Variants in MAP3K15 observed in about 807,000 individuals in gnomAD.
MAP3K15 encodes the protein mitogen-activated protein kinase kinase kinase 15.
A neutral mutation model predicts 99.5 loss-of-function variants in MAP3K15; 124 were observed. The observed-to-expected ratio is 1.25, with a 90% CI of 1.08 to 1.45. MAP3K15 has a LOEUF of 1.45. Ranked by LOEUF, MAP3K15 falls within the 40% of genes most tolerant of loss-of-function variation. MAP3K15 has a pLI of 0.00. For missense variants in MAP3K15, 1,242 were observed against 1,079.7 expected, an observed-to-expected ratio of 1.15 and a Z score of -2.11; for synonymous variants, 494 against 439.6, an observed-to-expected ratio of 1.12 and a Z score of -1.55.
At chrX:19,499,801 GGA>G (rs1309532968) in intron 1 of MAP3K15, among the ~76,000 whole-genome samples, 2 of 111,806 alleles carry the variant, frequency 1.8e-5, no homozygotes, top group Non-Finnish European at 3.8e-5. Context: ...TAGGATTGAG[GGA>G]GAGGGGACAT....
chrX:19,456,253 A>G (rs937729979), intron 6 of MAP3K15, among the ~76,000 whole-genome samples: 6 of 112,321 alleles, frequency 5.3e-5, no homozygotes, highest in Non-Finnish European at 9.4e-5. Flanking sequence ...CATCAGCAGT[A>G]AAACAGATGA....
chrX:19,361,694 G>GA (rs1288179542), intron 26 of MAP3K15, 101 bp from the exon 27 acceptor site: 19 of 570,280 alleles, frequency 3.3e-5, no homozygotes, highest in Non-Finnish European at 5.7e-6. Context: ...AATGTGATGT[G>GA]AAAAAGAGAT....
intron 2 of MAP3K15, among the ~76,000 whole-genome samples, chrX:19,488,049 G>C (rs1470379973): frequency 1.8e-5 from 2 of 111,394 alleles, no homozygotes; most frequent in African/African-American, 6.5e-5. Context: ...TAATTCTGAA[G>C]TGCACTCAAG....
intron 17 of MAP3K15, 74 bp downstream of exon 17, chrX:19,392,269 C>CA: frequency 2.7e-6 from 3 of 1,108,342 alleles, no homozygotes; most frequent in Non-Finnish European, 3.7e-6. Context: ...GCCAGTCACT[C>CA]AGCAGACACC....
Position 19,426,116 on chromosome X carries a change from T to C in MAP3K15, c.1279+115A>G, listed in dbSNP as rs2063827529. On this transcript the variant is annotated intron_variant, in intron 8 of 28. Transcript: ENST00000338883. ...CAGCCTGGGCAACCGAGCAAGACTCTGTCTCAAAAAAAGAATAGAAATATA... is the reference window on the plus strand; with the variant it reads ...CAGCCTGGGCAACCGAGCAAGACTCCGTCTCAAAAAAAGAATAGAAATATA... 6 of 419,025 alleles carry C rather than the reference T, an allele frequency of 1.4e-5. No homozygotes were observed. In the South Asian group the frequency reaches 2.3e-4, roughly 16 times the overall value. The allele number at this position is 419,025 out of a possible 1,213,427, so 34.5% of individuals were successfully genotyped here.
At chrX:19,363,030 T>G (rs944454115) in intron 25 of MAP3K15, among the ~76,000 whole-genome samples, 180 bp from the exon 26 acceptor site, 1 of 111,925 alleles carries the variant, frequency 8.9e-6, no homozygotes, top group Non-Finnish European at 1.9e-5. Context: ...GACTCAGACT[T>G]CAGTCTGCAG....
chrX:19,426,097 G>A, intron 8 of MAP3K15, 134 bp downstream of exon 8: 4 of 369,593 alleles, frequency 1.1e-5, no homozygotes, highest in Non-Finnish European at 1.8e-5. Context: ...ACTCCAGCCT[G>A]GGCAACCGAG....
At chrX:19,439,566 A>T (rs1005224437) in intron 6 of MAP3K15, among the ~76,000 whole-genome samples, 22 of 111,444 alleles carry the variant, frequency 2.0e-4, no homozygotes, top group Non-Finnish European at 4.0e-4. Context: ...TCCCAGCCTC[A>T]AGCAATCCTC....
rs1381352425 is a variant in MAP3K15 at position 19,377,405 on chromosome X, A to G, written c.2589+2715T>C. ...TACTAAAAATACAAAATAGCCAGGCATGGTGGCCCATGCCTACAATCCCAG... is the reference window on the plus strand; with the variant it reads ...TACTAAAAATACAAAATAGCCAGGCGTGGTGGCCCATGCCTACAATCCCAG... On this transcript the variant is annotated intron_variant, in intron 19 of 28. Transcript: ENST00000338883. Among the ~76,000 whole-genome samples the G allele has an allele frequency of 5.4e-5, 6 of 111,470 alleles. No homozygotes were observed. The East Asian group carries it at 8.5e-4, about 16-fold the overall frequency.
chrX:19,398,849 T>C (rs935555689), intron 14 of MAP3K15, among the ~76,000 whole-genome samples: 2 of 111,759 alleles, frequency 1.8e-5, no homozygotes, highest in African/African-American at 3.2e-5. Context: ...ACGGATCTAG[T>C]AGTAAACACC....
At chrX:19,369,266 G>A (rs2063357594) in intron 24 of MAP3K15, 47 bp from the exon 25 acceptor site, 1 of 1,194,944 alleles carries the variant, frequency 8.4e-7, no homozygotes, top group Non-Finnish European at 1.1e-6. Context: ...CCAGGCCAGT[G>A]GGGCCTGGGG....
intron 6 of MAP3K15, among the ~76,000 whole-genome samples, chrX:19,439,362 G>A (rs140838134): frequency 0.011 from 1,241 of 111,733 alleles, 17 homozygotes; most frequent in African/African-American, 0.039. Context: ...ATATGAGAAC[G>A]GCCTAACACA....
At chrX:19,416,009 G>A (rs2063731444) in intron 9 of MAP3K15, among the ~76,000 whole-genome samples, 1 of 111,594 alleles carries the variant, frequency 9.0e-6, no homozygotes, top group East Asian at 2.8e-4. Flanking sequence ...CTATTGTGGT[G>A]AGCTCCTGTT....
At chrX:19,444,330 G>T (rs1017770963) in intron 6 of MAP3K15, among the ~76,000 whole-genome samples, 1 of 111,374 alleles carries the variant, frequency 9.0e-6, no homozygotes, top group Non-Finnish European at 1.9e-5. Flanking sequence ...TGGCTTGATG[G>T]CAGAGCCAAG....
In MAP3K15 at chrX:19,407,301, A is replaced by G. The variant is rs2063655454; in HGVS notation, c.1749-18T>C. ...TTGATAGGCTGTAAAATTTCAAAGC[A>G]TAATGTTTATACATAAGTTATGATA... On this transcript the variant is annotated intron_variant, in intron 12 of 28. Transcript: ENST00000338883. 8.1e-6 allele frequency: 8 copies of G among 991,341 alleles called. No homozygotes were observed. The highest frequency in any genetic ancestry group is 1.1e-5 in the Non-Finnish European group (8 of 713,357). The allele number at this position is 991,341 out of a possible 1,213,427, so 81.7% of individuals were successfully genotyped here.
chrX:19,428,393 T>C (rs1650462324), intron 7 of MAP3K15, among the ~76,000 whole-genome samples: 1 of 112,008 alleles, frequency 8.9e-6, no homozygotes. Flanking sequence ...CACAGTTTTC[T>C]GTTTTGGCTT....
intron 18 of MAP3K15, among the ~76,000 whole-genome samples, chrX:19,390,489 TATATGTTATATAC>T (rs2063520130): frequency 9.7e-6 from 1 of 102,914 alleles, no homozygotes; most frequent in African/African-American, 3.5e-5. Flanking sequence ...TACTATATAA[TATATGTTATATAC>T]ATATATTATA....
chrX:19,447,407 G>C (rs1365341061), intron 6 of MAP3K15, among the ~76,000 whole-genome samples: 227 of 111,709 alleles, frequency 2.0e-3, no homozygotes, highest in Non-Finnish European at 3.6e-3. Context: ...GCTGAAATAA[G>C]AGCTGTGATA....
At chrX:19,368,956 G>C in intron 25 of MAP3K15, 98 bp downstream of exon 25, 2 of 930,947 alleles carry the variant, frequency 2.1e-6, no homozygotes, top group Non-Finnish European at 2.8e-6. Context: ...TAAGACCTGG[G>C]TGAGATGGTC....
Sources: allele counts gnomAD v4.1 joint callset (sites outside exome capture counted in the v4.1 genomes callset), GRCh38; gene constraint gnomAD v4.1.1; transcripts MANE v1.5; gene names NCBI Gene and HGNC (gene_info 2026-07-23, HGNC 2026-07-21).